The following PAX4 variants were observed in gnomAD, a reference collection of about 807,000 sequenced individuals.
PAX4 encodes paired box protein Pax-4.
PAX4 carries 33 observed loss-of-function variants against 40.6 expected under a neutral mutation model. The observed-to-expected ratio is 0.81, with a 90% CI of 0.62 to 1.09. The LOEUF (loss-of-function observed/expected upper bound fraction) is 1.09. Ranked by LOEUF, PAX4 falls within the 50% of genes least tolerant of loss-of-function variation. The pLI, the probability that PAX4 is intolerant of heterozygous loss-of-function variation, is 0.00. For missense variants in PAX4, 459 were observed against 442.5 expected (o/e 1.04, Z -0.33); for synonymous variants, 174 against 170.6 (o/e 1.02, Z -0.16).
In PAX4 at chr7:127,617,398, G is replaced by A. The variant is rs1794737524; in HGVS notation, c.-223C>T. The stretch of plus-strand genomic sequence containing the variant: ...ACAGATTGGCATTGCCACAAGTCAG[G>A]GGCTGTCCAGAGAGTAAAATTCAAG... On this transcript the variant is annotated splice_region_variant and 5_prime_UTR_variant, in exon 2 of 12. Coordinates refer to ENST00000639438, the MANE Select transcript of PAX4 (RefSeq NM_001366110.1). 6.6e-6 allele frequency: 1 copy of A among 152,108 alleles called. No homozygotes were observed. The allele number at this position is 152,108 out of a possible 1,614,324, so 9.4% of individuals were successfully genotyped here.
In PAX4 at chr7:127,615,053, G is replaced by T; in HGVS notation, c.187C>A (p.Arg63Ser). ...CCCTTTGGCTCCAAGACACCTGTGC[G>T]GTAGTAACGCCCTAGGATCTTGCTC... ...CVSKILGRYYRTGVLEPKGIG... is the reference protein window; with the variant it reads ...CVSKILGRYYSTGVLEPKGIG... The change falls in exon 5 of 12, where the codon CGC becomes AGC. Residue 63 changes from arginine (R) to serine (S), a missense_variant. By Grantham distance (110) the Arg-to-Ser change is moderately radical (BLOSUM62 -1). Coordinates refer to ENST00000639438, the MANE Select transcript of PAX4 (RefSeq NM_001366110.1). 6.2e-7 allele frequency: 1 copy of T among 1,614,186 alleles called. No homozygotes were observed. Among genetic ancestry groups the T allele is most frequent in the Non-Finnish European group, 8.5e-7 (1 of 1,180,022 alleles).
Position 127,611,622 on chromosome 7 carries a change from G to A in PAX4, c.826C>T (p.Pro276Ser). 1 of 1,613,840 alleles carries A rather than the reference G, an allele frequency of 6.2e-7. No homozygotes were observed. ...AALPALEPLG[P>S]SCYQLCWATA... ...GCCCAGCACAGCTGATAGCAGGAGG[G>A]ACCCAGTGGTTCCAGGGCAGGCAGG... Residue 276 changes from proline to serine, a missense_variant, in exon 11 of 12, where the codon CCC becomes TCC. By Grantham distance (74) the Pro-to-Ser change is moderately conservative (BLOSUM62 -1). Coordinates refer to ENST00000639438, the MANE Select transcript of PAX4 (RefSeq NM_001366110.1).
At position 127,611,686 on chromosome 7, in the gene PAX4, A is replaced by G. The variant is rs200911735; in HGVS notation, c.772-10T>C. The G allele has an allele frequency of 8.1e-5, 130 of 1,609,106 alleles. 1 individual carries two copies. The African/African-American group carries it at 1.6e-3, about 20-fold the overall frequency. On this transcript the variant is annotated splice_polypyrimidine_tract_variant and intron_variant, in intron 10 of 11. Coordinates refer to ENST00000639438, the MANE Select transcript of PAX4 (RefSeq NM_001366110.1). ...CACTGCCAGGGGACTGCTAAAAAAAAAAAGCAAGAGAAGAACCTTAGCTTC... is the reference window on the plus strand; with the variant it reads ...CACTGCCAGGGGACTGCTAAAAAAAGAAAGCAAGAGAAGAACCTTAGCTTC...
chr7:127,612,934 AGGATGGATGGATGGAT>A (rs376039555), intron 9 of PAX4, 72 bp downstream of exon 9: 82 of 920,306 alleles, frequency 8.9e-5, no homozygotes, highest in Admixed American at 1.9e-4. Flanking sequence ...GGACGAATGG[AGGATGGATGGATGGAT>A]GGATGGATGG....
At position 127,614,556 on chromosome 7, in the gene PAX4, A is replaced by C; in HGVS notation, c.362T>G (p.Val121Gly). 6.3e-7 allele frequency: 1 copy of C among 1,589,392 alleles called. No homozygotes were observed. Among genetic ancestry groups the C allele is most frequent in the Non-Finnish European group, 8.6e-7 (1 of 1,167,156 alleles). ...CCGCAGGACTCGGTTGATGGAGGAG[A>C]CCTGGGAGTGTCAGGGTGTTGAGTG... ...GLCTQDKTPS[V>G]SSINRVLRAL... Residue 121 changes from valine (V) to glycine (G), a missense_variant and splice_region_variant, in exon 6 of 12, where the codon GTC becomes GGC. Val to Gly is a moderately radical substitution (Grantham distance 109, BLOSUM62 -3). Coordinates refer to ENST00000639438, the MANE Select transcript of PAX4 (RefSeq NM_001366110.1).
At position 127,614,536 on chromosome 7, in the gene PAX4, G is replaced by A. The variant is rs1406069827; in HGVS notation, c.382C>T (p.Leu128=). The A allele has an allele frequency of 6.3e-7, 1 of 1,594,588 alleles. No homozygotes were observed. The highest frequency in any genetic ancestry group is 8.5e-7 in the Non-Finnish European group (1 of 1,170,082). The change falls in exon 6 of 12, where the codon CTG becomes TTG. Residue 128 remains leucine, a synonymous_variant. Coordinates refer to ENST00000639438, the MANE Select transcript of PAX4 (RefSeq NM_001366110.1). ...TPSVSSINRV[L]RALQEDQGLP... ...CCCTGGTCCTCCTGTAATGCCCGCA[G>A]GACTCGGTTGATGGAGGAGACCTGG...
At chr7:127,614,588 T>C (rs371793784) in intron 5 of PAX4, 31 bp from the exon 6 acceptor site, 16 of 1,544,034 alleles carry the variant, frequency 1.0e-5, no homozygotes, top group Non-Finnish European at 1.4e-5. Flanking sequence ...AGTGGAGAGA[T>C]GGTGCTCAGA....
rs878919319 is a variant in PAX4, at chr7:127,615,582, C to T, written c.14-51G>A. 8.5e-5 allele frequency: 137 copies of T among 1,611,538 alleles called. 1 individual carries two copies. The highest frequency in any genetic ancestry group is 9.8e-5 in the Non-Finnish European group (116 of 1,179,888). On this transcript the variant is annotated intron_variant, in intron 3 of 11. Coordinates refer to ENST00000639438, the MANE Select transcript of PAX4 (RefSeq NM_001366110.1). ...ACACCACCTCTCCCACTGCCCTGCC[C>T]GCCTGTGGAGAGGGTCACTCAGGCC...
Position 127,614,498 on chromosome 7 carries a change from T to C in PAX4, c.420A>G (p.Thr140=). ...AAGACCCACCTGGTGACCTGAGCCG[T>C]GTGCACGGTAGTCCCTGGTCCTCCT... is the stretch of plus-strand genomic sequence containing the variant. ...ALQEDQGLPC[T]RLRSPAVLAP... is the part of the protein sequence containing the mutation. Residue 140 remains threonine, a synonymous_variant, in exon 6 of 12, where the codon ACA becomes ACG. Transcript: ENST00000639438. 1 of 1,596,528 alleles carries C rather than the reference T, an allele frequency of 6.3e-7. No homozygotes were observed. The highest frequency in any genetic ancestry group is 8.5e-7 in the Non-Finnish European group (1 of 1,170,994).
intron 3 of PAX4, 63 bp downstream of exon 3, chr7:127,615,853 C>A: frequency 1.3e-6 from 2 of 1,535,060 alleles, no homozygotes; most frequent in Non-Finnish European, 1.7e-6. Context: ...GGAAGCAAAG[C>A]CCTGAGGTCT....
In PAX4 at chr7:127,614,925, G is replaced by A. The variant is rs759665910; in HGVS notation, c.315C>T (p.Arg105=). 1.5e-5 allele frequency: 25 copies of A among 1,614,058 alleles called. No homozygotes were observed. The highest frequency in any genetic ancestry group is 2.0e-5 in the Non-Finnish European group (24 of 1,180,044). The change falls in exon 5 of 12, where the codon CGC becomes CGT. Residue 105 remains arginine, a synonymous_variant. Coordinates refer to ENST00000639438, the MANE Select transcript of PAX4 (RefSeq NM_001366110.1). ...TGCAAAGCCCTTCAGCACAAAGCTG[G>A]CGTTGGATTTCCCAGGCAAAGAGGG... ...CPALFAWEIQ[R]QLCAEGLCTQ...
chr7:127,610,845 C>G lies in PAX4; in HGVS notation c.*219G>C. ...TTTTATTACTGCTGAGTGGAGGCCT[C>G]TTAAGGCTAGTGTGAGAAGTGGGTG... On this transcript the variant is annotated 3_prime_UTR_variant, in exon 12 of 12. Transcript: ENST00000639438. 6.5e-7 allele frequency: 1 copy of G among 1,534,870 alleles called. No homozygotes were observed.
chr7:127,611,706 A>G, intron 10 of PAX4, 30 bp from the exon 11 acceptor site: 1 of 1,605,892 alleles, frequency 6.2e-7, no homozygotes, highest in Middle Eastern at 1.7e-4. Flanking sequence ...GAAGAACCTT[A>G]GCTTCCAGTG....
In PAX4 at chr7:127,610,832, T is replaced by C. The variant is rs981258404; in HGVS notation, c.*232A>G. 1 of 1,522,348 alleles carries C rather than the reference T, an allele frequency of 6.6e-7. No homozygotes were observed. Among genetic ancestry groups the C allele is most frequent in the East Asian group, 2.4e-5 (1 of 40,870 alleles). 94.3% of individuals were successfully genotyped at this position (1,522,348 alleles called of 1,614,324 possible). A position where few individuals can be genotyped will look rare whatever the true frequency, so the allele number is the denominator to read the frequency against. ...TAATAAAAACAGCTTTTATTACTGC[T>C]GAGTGGAGGCCTCTTAAGGCTAGTG... On this transcript the variant is annotated 3_prime_UTR_variant, in exon 12 of 12. Coordinates refer to ENST00000639438, the MANE Select transcript of PAX4 (RefSeq NM_001366110.1).
At position 127,613,098 on chromosome 7, in the gene PAX4, G is replaced by A. The variant is rs11977988; in HGVS notation, c.646-7C>T. 8.8e-4 allele frequency: 1,419 copies of A among 1,611,812 alleles called. 12 individuals carry two copies. In the African/African-American group the frequency reaches 0.017, roughly 19 times the overall value. ...TTCTGTTGGAAAACCAGACCTGAGC[G>A]AGGACAGGGACAATGCAGCTGGCTG... On this transcript the variant is annotated splice_polypyrimidine_tract_variant and splice_region_variant and intron_variant, in intron 8 of 11. Coordinates refer to ENST00000639438, the MANE Select transcript of PAX4 (RefSeq NM_001366110.1).
At chr7:127,611,450 C>T (rs1349293802) in intron 11 of PAX4, 85 bp downstream of exon 11, 2 of 1,605,646 alleles carry the variant, frequency 1.2e-6, no homozygotes, top group Non-Finnish European at 1.7e-6. Context: ...TGATGACCCC[C>T]AATGGAGATC....
chr7:127,610,745 G>A lies in PAX4; in HGVS notation c.*319C>T. Reference sequence around the variant, plus strand: ...ATAGGGCAAATTGTCTATAATTGTTGAATATTAGAGTGGGCATAGGGGTGC... The same window carrying A: ...ATAGGGCAAATTGTCTATAATTGTTAAATATTAGAGTGGGCATAGGGGTGC... On this transcript the variant is annotated 3_prime_UTR_variant, in exon 12 of 12. Transcript: ENST00000639438. 1.3e-6 allele frequency: 1 copy of A among 765,520 alleles called. No homozygotes were observed. The highest frequency in any genetic ancestry group is 2.1e-6 in the Non-Finnish European group (1 of 470,420). 47.4% of individuals were successfully genotyped at this position (765,520 alleles called of 1,614,324 possible).
Position 127,615,101 on chromosome 7 carries a change from T to C in PAX4, c.145-6A>G. 6.2e-7 allele frequency: 1 copy of C among 1,613,758 alleles called. No individual in the cohort carries two copies. Among genetic ancestry groups the C allele is most frequent in the Non-Finnish European group, 8.5e-7 (1 of 1,179,926 alleles). On this transcript the variant is annotated splice_polypyrimidine_tract_variant and splice_region_variant and intron_variant, in intron 4 of 11. Transcript: ENST00000639438. ...CTCACACAGCCATTAGATACCTGAG[T>C]CAGGTGAGAAGCAGGGACAGGTGAG... is the stretch of plus-strand genomic sequence containing the variant.
In PAX4 at chr7:127,613,866, G is replaced by T; in HGVS notation, c.452C>A (p.Ala151Asp). Residue 151 changes from alanine to aspartate, a missense_variant, in exon 7 of 12, where the codon GCT (alanine) becomes GAT (aspartate). Coordinates refer to ENST00000639438, the MANE Select transcript of PAX4 (RefSeq NM_001366110.1). Reference sequence around the variant, plus strand: ...AGAGCCACTATGGGGAGTGAGGACAGCTGGAGCCAAAACAGCTGAAAAGGA... The same window carrying T: ...AGAGCCACTATGGGGAGTGAGGACATCTGGAGCCAAAACAGCTGAAAAGGA... ...RLRSPAVLAP[A>D]VLTPHSGSET... The T allele has an allele frequency of 6.2e-7, 1 of 1,614,112 alleles. No individual in the cohort carries two copies. The highest frequency in any genetic ancestry group is 8.5e-7 in the Non-Finnish European group (1 of 1,180,016).
Sources: gnomAD v4.1 joint callset for allele counts on GRCh38, gnomAD v4.1.1 for gene constraint, MANE v1.5 for transcripts, NCBI Gene and HGNC (gene_info 2026-07-23, HGNC 2026-07-21) for gene names.